The following FREM1 variants were observed in gnomAD, a reference collection of about 807,000 sequenced individuals.
FREM1 encodes FRAS1 related extracellular matrix 1.
In FREM1, 220 loss-of-function variants were observed where a neutral mutation model predicts 210.1. The observed-to-expected ratio is 1.05, with a 90% CI of 0.94 to 1.17. The LOEUF (loss-of-function observed/expected upper bound fraction) is 1.17, where lower values mean the gene tolerates loss of function less well. FREM1 is among the 50% of genes most tolerant of loss of function. The pLI, the probability that FREM1 is intolerant of heterozygous loss-of-function variation, is 0.00. For missense variants in FREM1, 3,454 were observed against 2,675.5 expected (o/e 1.29, Z -6.42); for synonymous variants, 1,189 against 980.2 (o/e 1.21, Z -3.98).
chr9:14,747,074 A>T, intron 33 of FREM1, 23 bp from the exon 34 acceptor site: 1 of 1,612,808 alleles, frequency 6.2e-7, no homozygotes, highest in Non-Finnish European at 8.5e-7. Flanking sequence ...AAGGCAATTT[A>T]GCAATTTAGA....
chr9:14,787,660 G>A (rs926666356), intron 23 of FREM1, among the ~76,000 whole-genome samples: 1 of 152,134 alleles, frequency 6.6e-6, no homozygotes, highest in African/African-American at 2.4e-5. Context: ...GGAATGTCTA[G>A]ATATAAAGAG....
intron 20 of FREM1, among the ~76,000 whole-genome samples, chr9:14,800,819 T>C (rs533909207): frequency 6.6e-6 from 1 of 152,188 alleles, no homozygotes; most frequent in Admixed American, 6.5e-5. Flanking sequence ...ATGAATAAAG[T>C]AGGTGAATGC....
rs746546587 is a variant in FREM1, at chr9:14,823,157, T to C, written c.2337+3A>G. ...CATCCTCTATATAGAACATTGTACA[T>C]ACCTCAGGAACTTGATTGTCCACTG... On this transcript the variant is annotated splice_donor_region_variant and intron_variant, in intron 13 of 36. Coordinates refer to ENST00000380880, the MANE Select transcript of FREM1 (RefSeq NM_001379081.2). 1 of 1,608,512 alleles carries C rather than the reference T, an allele frequency of 6.2e-7. No homozygotes were observed. The highest frequency in any genetic ancestry group is 8.5e-7 in the Non-Finnish European group (1 of 1,175,074).
chr9:14,868,956 C>T lies in FREM1; in HGVS notation c.22G>A (p.Ala8Thr). The change falls in exon 2 of 37, where the codon GCT (alanine) becomes ACT (threonine). Residue 8 changes from alanine to threonine, a missense_variant. By Grantham distance (58) the Ala-to-Thr change is moderately conservative. Transcript: ENST00000380880. MNSLSWG[A>T]ANAVLLLLLL... is the part of the protein sequence containing the mutation. ...AGCAGCAGCAGCACGGCATTCGCAG[C>T]CCCCCAACTCAGAGAGTTCATGCTG... The T allele has an allele frequency of 1.3e-6, 2 of 1,586,122 alleles. No homozygotes were observed. The highest frequency in any genetic ancestry group is 1.7e-6 in the Non-Finnish European group (2 of 1,168,684).
intron 24 of FREM1, among the ~76,000 whole-genome samples, chr9:14,781,583 G>A (rs1221946750): frequency 1.3e-5 from 2 of 152,096 alleles, no homozygotes; most frequent in Non-Finnish European, 2.9e-5. Flanking sequence ...GGTATTTATA[G>A]TACTGTTTTT....
intron 1 of FREM1, among the ~76,000 whole-genome samples, chr9:14,879,477 A>G (rs777473443): frequency 2.0e-5 from 3 of 152,194 alleles, no homozygotes; most frequent in Non-Finnish European, 4.4e-5. Flanking sequence ...GCCACACAAC[A>G]CTGAGAATCT....
chr9:14,890,025 C>T (rs947628441), intron 1 of FREM1, among the ~76,000 whole-genome samples: 2 of 152,204 alleles, frequency 1.3e-5, no homozygotes. Context: ...TTGTGTCCCT[C>T]CATTCTTGGA....
At chr9:14,760,067 A>G (rs1455325693) in intron 27 of FREM1, among the ~76,000 whole-genome samples, 166 bp from the exon 28 acceptor site, 1 of 152,226 alleles carries the variant, frequency 6.6e-6, no homozygotes, top group Non-Finnish European at 1.5e-5. Flanking sequence ...ATGTCTACTA[A>G]CATTATCTCA....
At chr9:14,837,497 A>G (rs1442648589) in intron 10 of FREM1, among the ~76,000 whole-genome samples, 2 of 152,124 alleles carry the variant, frequency 1.3e-5, no homozygotes, top group East Asian at 3.9e-4. Flanking sequence ...GTGCCCACTA[A>G]GAATTATTAC....
chr9:14,827,053 C>G (rs968966094), intron 10 of FREM1, among the ~76,000 whole-genome samples: 8 of 152,134 alleles, frequency 5.3e-5, no homozygotes. Context: ...AGCTTTAGAA[C>G]TGGGTAATGG....
chr9:14,750,381 C>T (rs964890883), intron 29 of FREM1, 105 bp from the exon 30 acceptor site: 8 of 829,610 alleles, frequency 9.6e-6, no homozygotes, highest in East Asian at 8.1e-5. Context: ...TGCAGTAGCC[C>T]GAGTGAGCTA....
intron 1 of FREM1, among the ~76,000 whole-genome samples, chr9:14,869,516 G>A (rs1832196202): frequency 6.6e-6 from 1 of 152,186 alleles, no homozygotes; most frequent in Non-Finnish European, 1.5e-5. Context: ...GGTCCAGGAG[G>A]AAACAGCCAG....
intron 8 of FREM1, among the ~76,000 whole-genome samples, chr9:14,844,884 A>G (rs1826311421): frequency 6.6e-6 from 1 of 152,206 alleles, no homozygotes. Flanking sequence ...CATGAAGAAA[A>G]TAACTAATTT....
At chr9:14,821,085 C>T (rs1821214854) in intron 13 of FREM1, among the ~76,000 whole-genome samples, 1 of 152,178 alleles carries the variant, frequency 6.6e-6, no homozygotes, top group South Asian at 2.1e-4. Flanking sequence ...TTGCCCAGAT[C>T]CAGTGCTCAG....
intron 4 of FREM1, among the ~76,000 whole-genome samples, chr9:14,858,249 T>C (rs1169466423): frequency 6.6e-6 from 1 of 152,192 alleles, no homozygotes; most frequent in East Asian, 1.9e-4. Context: ...TTTGACCACC[T>C]GAACCAACAT....
At chr9:14,884,946 A>T in intron 1 of FREM1, among the ~76,000 whole-genome samples, 1 of 65,240 alleles carries the variant, frequency 1.5e-5, no homozygotes, top group Non-Finnish European at 2.7e-5. Flanking sequence ...TTTTTTTGAG[A>T]CGGAGTCTCG....
intron 10 of FREM1, among the ~76,000 whole-genome samples, chr9:14,837,795 G>A (rs980338278): frequency 5.3e-5 from 8 of 152,224 alleles, no homozygotes; most frequent in Admixed American, 2.6e-4. Flanking sequence ...TTTGATAACC[G>A]GATTTAATTT....
chr9:14,881,069 A>C (rs1399659340), intron 1 of FREM1, among the ~76,000 whole-genome samples: 2 of 152,202 alleles, frequency 1.3e-5, no homozygotes, highest in Admixed American at 1.3e-4. Context: ...GTTGGTCAGC[A>C]GTGTGTTTCA....
intron 20 of FREM1, among the ~76,000 whole-genome samples, chr9:14,801,135 T>A (rs911414385): frequency 6.6e-6 from 1 of 152,090 alleles, no homozygotes; most frequent in Non-Finnish European, 1.5e-5. Flanking sequence ...GTAGCTGGGA[T>A]TACAGAAGTG....
Sources: gnomAD v4.1 joint callset for allele counts (sites outside exome capture counted in the v4.1 genomes callset) on GRCh38, gnomAD v4.1.1 for gene constraint, MANE v1.5 for transcripts, NCBI Gene and HGNC (gene_info 2026-07-23, HGNC 2026-07-21) for gene names.